HIVEP3: variants seen among roughly 807,000 people sequenced by gnomAD.
HIVEP3 encodes HIVEP zinc finger 3, also known as transcription factor HIVEP3.
In HIVEP3, 49 loss-of-function variants were observed where a neutral mutation model predicts 152.8. That is an observed-to-expected ratio of 0.32 (90% CI 0.26 to 0.41). The LOEUF is 0.41. Ranked by LOEUF, HIVEP3 falls within the 10% of genes least tolerant of loss-of-function variation. The pLI is 1.00. For synonymous variants in HIVEP3, 1,269 were observed against 1,289.0 expected (o/e 0.98, Z 0.33); for missense variants, 2,790 against 3,103.3 (o/e 0.90, Z 2.40).
intron 5 of HIVEP3, among the ~76,000 whole-genome samples, chr1:41,562,370 C>T (rs1644078750): frequency 6.6e-6 from 1 of 152,154 alleles, no homozygotes; most frequent in Admixed American, 6.5e-5. Context: ...GGTGACCTTT[C>T]TTGAAGAGTT....
intron 2 of HIVEP3, among the ~76,000 whole-genome samples, chr1:41,699,859 T>C (rs777050986): frequency 1.4e-5 from 2 of 147,826 alleles, no homozygotes; most frequent in African/African-American, 2.5e-5. Context: ...CAGGGCTGAC[T>C]GTCTCCCTTC....
chr1:41,986,586 G>A (rs1387540794), intron 1 of HIVEP3, among the ~76,000 whole-genome samples: 4 of 151,848 alleles, frequency 2.6e-5, no homozygotes, highest in Non-Finnish European at 4.4e-5. Context: ...AAATACAGGC[G>A]CCCGCCACCA....
chr1:41,689,369 C>T (rs937508270), intron 2 of HIVEP3, among the ~76,000 whole-genome samples: 9 of 152,296 alleles, frequency 5.9e-5, no homozygotes, highest in Admixed American at 3.9e-4. Context: ...GGAGTGAACT[C>T]GCCAACTTAG....
intron 1 of HIVEP3, among the ~76,000 whole-genome samples, chr1:41,795,467 G>C (rs185418798): frequency 6.6e-6 from 1 of 152,278 alleles, no homozygotes; most frequent in Admixed American, 6.5e-5. Context: ...ATGTCCGCCA[G>C]GTTTATTAAC....
intron 1 of HIVEP3, among the ~76,000 whole-genome samples, chr1:41,804,935 T>C (rs1650512841): frequency 6.6e-6 from 1 of 152,192 alleles, no homozygotes; most frequent in Non-Finnish European, 1.5e-5. Flanking sequence ...AAGAGCTAAT[T>C]CTGCAAGAAG....
In HIVEP3 at chr1:41,511,051, T is replaced by C. The variant is rs200673170; in HGVS notation, c.6621A>G (p.Pro2207=). The change falls in exon 9 of 9, where the codon CCA becomes CCG. Residue 2207 remains proline, a synonymous_variant. Transcript: ENST00000372583. This position sits in a 1 kb window ranked among gnomAD's most constrained non-coding sequence, Gnocchi z 4.9. ...CTGGCAGCAGGGTGGGGTGGGCTCCTGGCCGGGCCTGCACCATCTGGATCC... is the reference window on the plus strand; with the variant it reads ...CTGGCAGCAGGGTGGGGTGGGCTCCCGGCCGGGCCTGCACCATCTGGATCC... ...IGGIQMVQAR[P]GAHPTLLPGP... is the part of the protein sequence containing the mutation. 10 of 1,613,842 alleles carry C rather than the reference T, an allele frequency of 6.2e-6. No individual in the cohort carries two copies. Among genetic ancestry groups the C allele is most frequent in the Admixed American group, 5.0e-5 (3 of 60,012 alleles).
intron 1 of HIVEP3, among the ~76,000 whole-genome samples, chr1:41,984,607 C>T (rs1189112404): frequency 2.6e-5 from 4 of 152,158 alleles, no homozygotes; most frequent in Non-Finnish European, 5.9e-5. Context: ...GAGAAGGGAT[C>T]GAACGTTTAA....
intron 1 of HIVEP3, among the ~76,000 whole-genome samples, chr1:42,024,658 T>C (rs906140017): frequency 5.3e-5 from 8 of 152,252 alleles, no homozygotes; most frequent in African/African-American, 1.9e-4. Flanking sequence ...TTCATCTATA[T>C]TTACATTCAC....
At chr1:41,772,855 G>A (rs1473498887) in intron 1 of HIVEP3, among the ~76,000 whole-genome samples, 1 of 152,162 alleles carries the variant, frequency 6.6e-6, no homozygotes, top group African/African-American at 2.4e-5. Flanking sequence ...GCAGTGAGCC[G>A]AGATAGTGCC....
At chr1:41,927,969 G>A (rs892918320) in intron 1 of HIVEP3, among the ~76,000 whole-genome samples, 3 of 149,114 alleles carry the variant, frequency 2.0e-5, no homozygotes, top group African/African-American at 7.4e-5. Flanking sequence ...GCTGAGGCAG[G>A]AGAATCGCTT....
chr1:42,030,628 G>A (rs1645607742), intron 1 of HIVEP3, among the ~76,000 whole-genome samples: 1 of 151,970 alleles, frequency 6.6e-6, no homozygotes, highest in South Asian at 2.1e-4. Flanking sequence ...TCAGGCCCTC[G>A]TGGCTCTTAT....
chr1:41,773,893 A>G (rs941319715), intron 1 of HIVEP3, among the ~76,000 whole-genome samples: 1 of 152,240 alleles, frequency 6.6e-6, no homozygotes, highest in African/African-American at 2.4e-5. Flanking sequence ...AGAACATGTC[A>G]CAGATGAAGG....
chr1:41,884,783 C>G (rs1644317096), intron 1 of HIVEP3, among the ~76,000 whole-genome samples: 1 of 151,976 alleles, frequency 6.6e-6, no homozygotes, highest in African/African-American at 2.4e-5. Context: ...GGACTCTGCT[C>G]CAGCACCCCC....
In HIVEP3 at chr1:41,585,112, A is replaced by G. The variant is rs1432649930; in HGVS notation, c.-315T>C. The G allele has an allele frequency of 1.7e-5, 7 of 400,232 alleles. No homozygotes were observed. Among genetic ancestry groups the G allele is most frequent in the Non-Finnish European group, 3.1e-5 (7 of 227,598 alleles). 24.8% of individuals were successfully genotyped at this position (400,232 alleles called of 1,614,324 possible). Reference sequence around the variant, plus strand: ...TGAAGGATGTCAGTATTGCCATTGTATTGTTTCAGCTGGCAGTGGCAGGTG... The same window carrying G: ...TGAAGGATGTCAGTATTGCCATTGTGTTGTTTCAGCTGGCAGTGGCAGGTG... On this transcript the variant is annotated 5_prime_UTR_variant, in exon 4 of 9. Coordinates refer to ENST00000372583, the MANE Select transcript of HIVEP3 (RefSeq NM_024503.5).
intron 1 of HIVEP3, among the ~76,000 whole-genome samples, chr1:41,812,881 G>T (rs1281101633): frequency 7.3e-6 from 1 of 137,550 alleles, no homozygotes; most frequent in African/African-American, 2.6e-5. Flanking sequence ...AGGATGGGTG[G>T]AGGGGGTGGG....
chr1:41,565,515 T>C (rs1049944061), intron 5 of HIVEP3, among the ~76,000 whole-genome samples: 1 of 145,388 alleles, frequency 6.9e-6, no homozygotes, highest in Non-Finnish European at 1.5e-5. Flanking sequence ...GTAACTTTGA[T>C]AAAAACTGAA....
intron 1 of HIVEP3, among the ~76,000 whole-genome samples, chr1:41,767,861 C>T (rs1648111394): frequency 6.6e-6 from 1 of 152,216 alleles, no homozygotes; most frequent in Non-Finnish European, 1.5e-5. Flanking sequence ...TCGTGTTTGT[C>T]AGGAAATGAA....
Position 41,583,751 on chromosome 1 carries a change from G to C in HIVEP3, c.1047C>G (p.Pro349=), listed in dbSNP as rs141636566. 388 of 1,596,956 alleles carry C rather than the reference G, an allele frequency of 2.4e-4. 2 individuals carry two copies. In the African/African-American group the frequency reaches 4.3e-3, roughly 18 times the overall value. The change falls in exon 4 of 9, where the codon CCC becomes CCG. Residue 349 remains proline, a synonymous_variant. Coordinates refer to ENST00000372583, the MANE Select transcript of HIVEP3 (RefSeq NM_024503.5). The surrounding 1 kb of genome is among the most constrained non-coding windows in gnomAD (Gnocchi z 6.9). ...PPFVEPSSEH[P]LSHKPEDTHT... ...GGGTGTCTTCAGGTTTATGGCTCAG[G>C]GGGTGCTCAGATGAGGGTTCCACAA...
In HIVEP3 at chr1:41,993,310, A is replaced by G. The variant is rs1484189958; in HGVS notation, n.119+42497T>C. On this transcript the variant is annotated intron_variant and non_coding_transcript_variant, in intron 1 of 3. Transcript: ENST00000489103. ...ACTCAAACAAATTTACAAGAAAAAA[A>G]CAAACAACCCCATCAAAAAGTGGGC... Among the ~76,000 whole-genome samples the G allele has an allele frequency of 2.2e-4, 34 of 151,232 alleles. 1 individual carries two copies. The highest frequency in any genetic ancestry group is 1.2e-4 in the Non-Finnish European group (8 of 67,686).
Sources: allele counts gnomAD v4.1 joint callset (sites outside exome capture counted in the v4.1 genomes callset), GRCh38; gene constraint gnomAD v4.1.1; non-coding constraint Gnocchi (gnomAD v3.1); transcripts MANE v1.5; gene names NCBI Gene and HGNC (gene_info 2026-07-23, HGNC 2026-07-21).